Variants in ARHGEF10L observed in about 807,000 individuals in gnomAD.
The protein encoded by ARHGEF10L is rho guanine nucleotide exchange factor 10-like protein.
ARHGEF10L carries 69 observed loss-of-function variants against 141.2 expected under a neutral mutation model. That is an observed-to-expected ratio of 0.49 (90% confidence interval 0.40 to 0.60). The LOEUF (loss-of-function observed/expected upper bound fraction) is 0.60. ARHGEF10L is among the 20% of genes least tolerant of loss of function. ARHGEF10L has a pLI of 0.00. For synonymous variants in ARHGEF10L, 711 were observed against 718.5 expected (o/e 0.99, Z 0.17); for missense variants, 1,482 against 1,734.3 (o/e 0.85, Z 2.58).
chr1:17,641,842 A>G (rs1182695774), intron 21 of ARHGEF10L, among the ~76,000 whole-genome samples: 1 of 151,566 alleles, frequency 6.6e-6, no homozygotes, highest in Non-Finnish European at 1.5e-5. Flanking sequence ...TTAGCCAGAC[A>G]TGGTGGCGCA....
At chr1:17,693,472 C>T (rs1285033820) in intron 27 of ARHGEF10L, among the ~76,000 whole-genome samples, 1 of 152,168 alleles carries the variant, frequency 6.6e-6, no homozygotes, top group Non-Finnish European at 1.5e-5. Context: ...GAGAGCCACA[C>T]CATTTCTCTC....
chr1:17,632,256 G>A, intron 15 of ARHGEF10L, 65 bp from the exon 16 acceptor site: 2 of 1,596,228 alleles, frequency 1.3e-6, no homozygotes, highest in Non-Finnish European at 1.7e-6. Context: ...AGGATTCTGG[G>A]TCTCCGGCGC....
At chr1:17,591,065 A>G (rs1443988338) in intron 4 of ARHGEF10L, among the ~76,000 whole-genome samples, 2 of 152,190 alleles carry the variant, frequency 1.3e-5, no homozygotes, top group African/African-American at 4.8e-5. Flanking sequence ...TGGCATGTCA[A>G]TAGGGTTTCT....
At chr1:17,620,312 G>A (rs142264764) in intron 10 of ARHGEF10L, among the ~76,000 whole-genome samples, 1,770 of 152,216 alleles carry the variant, frequency 0.012, 17 homozygotes, top group South Asian at 0.028. Context: ...CGCTATCTGT[G>A]TTTTGCCAGC....
intron 22 of ARHGEF10L, among the ~76,000 whole-genome samples, chr1:17,652,639 T>G (rs2062002969): frequency 6.6e-6 from 1 of 151,946 alleles, no homozygotes; most frequent in Non-Finnish European, 1.5e-5. Context: ...GTGTCGAAGG[T>G]TCTTCTTGGA....
intron 21 of ARHGEF10L, among the ~76,000 whole-genome samples, chr1:17,641,566 C>CGAGCCAA (rs1557906190): frequency 6.6e-6 from 1 of 151,848 alleles, no homozygotes. Flanking sequence ...GAGTTTGCGG[C>CGAGCCAA]GAGCCAAGAT....
chr1:17,575,580 C>G (rs193209847), intron 1 of ARHGEF10L, among the ~76,000 whole-genome samples: 5 of 152,172 alleles, frequency 3.3e-5, no homozygotes, highest in Non-Finnish European at 4.4e-5. Context: ...GGCCCGGAGC[C>G]GATGAGATCC....
At chr1:17,570,179 A>G (rs181721851) in intron 1 of ARHGEF10L, among the ~76,000 whole-genome samples, 16 of 152,356 alleles carry the variant, frequency 1.1e-4, no homozygotes, top group Admixed American at 3.9e-4. Context: ...ATGGGTGCAG[A>G]TAAGAGCGGT....
intron 26 of ARHGEF10L, among the ~76,000 whole-genome samples, chr1:17,681,358 AG>A (rs2064115011): frequency 1.3e-5 from 2 of 152,220 alleles, no homozygotes; most frequent in Non-Finnish European, 2.9e-5. Context: ...GTCCAGGTAC[AG>A]GTTTTCCCAG....
chr1:17,626,785 C>A (rs1006629164), intron 14 of ARHGEF10L, among the ~76,000 whole-genome samples: 1 of 152,238 alleles, frequency 6.6e-6, no homozygotes, highest in African/African-American at 2.4e-5. Context: ...CCACAGCCTC[C>A]GGCAACCACC....
intron 1 of ARHGEF10L, among the ~76,000 whole-genome samples, chr1:17,550,040 C>G (rs1357858662): frequency 6.6e-6 from 1 of 151,974 alleles, no homozygotes; most frequent in Non-Finnish European, 1.5e-5. Flanking sequence ...CTGTAGAGAG[C>G]CAGGGTGGAG....
chr1:17,672,836 T>A (rs895138973), intron 26 of ARHGEF10L, among the ~76,000 whole-genome samples: 1 of 152,016 alleles, frequency 6.6e-6, no homozygotes. Flanking sequence ...GGCCTTCTTA[T>A]GTGGAGGGTC....
At chr1:17,679,802 G>A (rs1464247967) in intron 26 of ARHGEF10L, among the ~76,000 whole-genome samples, 1 of 152,158 alleles carries the variant, frequency 6.6e-6, no homozygotes, top group Admixed American at 6.5e-5. Flanking sequence ...ATGGGATGAG[G>A]ATGGAATGGT....
chr1:17,516,015 T>C, the ARHGEF10L span, among the ~76,000 whole-genome samples: 58 of 152,372 alleles, frequency 3.8e-4, 1 homozygote, highest in South Asian at 9.3e-3. Flanking sequence ...CCTGTACAGA[T>C]GGCAGAGAAG....
intron 1 of ARHGEF10L, among the ~76,000 whole-genome samples, chr1:17,547,002 T>G (rs1160567506): frequency 5.3e-5 from 8 of 152,122 alleles, no homozygotes; most frequent in African/African-American, 1.9e-4. Context: ...CACCACATTC[T>G]GCTCGCCCCG....
intron 25 of ARHGEF10L, 61 bp from the exon 26 acceptor site, chr1:17,664,386 G>C: frequency 2.6e-6 from 4 of 1,560,488 alleles, no homozygotes; most frequent in Non-Finnish European, 2.6e-6. Context: ...GCTGGCCTGC[G>C]TTCCCAGGAG....
chr1:17,632,932 C>T (rs969854034), intron 16 of ARHGEF10L, among the ~76,000 whole-genome samples: 9 of 152,214 alleles, frequency 5.9e-5, no homozygotes, highest in African/African-American at 1.7e-4. Flanking sequence ...GGTTCTGGGC[C>T]GGGGATTGTG....
chr1:17,595,470 A>G (rs2080001879), intron 4 of ARHGEF10L, among the ~76,000 whole-genome samples: 1 of 151,916 alleles, frequency 6.6e-6, no homozygotes. Flanking sequence ...CTGTACAGAG[A>G]TGGCTCCCCA....
intron 25 of ARHGEF10L, among the ~76,000 whole-genome samples, chr1:17,658,929 C>T (rs1280139688): frequency 2.6e-5 from 4 of 152,110 alleles, no homozygotes; most frequent in Non-Finnish European, 5.9e-5. Context: ...GTAGAGGGAA[C>T]AGTATACGCA....
Sources: allele counts gnomAD v4.1 joint callset (sites outside exome capture counted in the v4.1 genomes callset), GRCh38; gene constraint gnomAD v4.1.1; transcripts MANE v1.5; gene names NCBI Gene and HGNC (gene_info 2026-07-23, HGNC 2026-07-21).